IFI35: variants seen among roughly 807,000 people sequenced by gnomAD.
IFI35 encodes interferon-induced 35 kDa protein.
In IFI35, 30 loss-of-function variants were observed where a neutral mutation model predicts 28.6. The observed-to-expected ratio is 1.05, with a 90% CI of 0.79 to 1.43. IFI35 has a LOEUF of 1.43. Ranked by LOEUF, IFI35 falls within the 40% of genes most tolerant of loss-of-function variation. The probability of loss-of-function intolerance (pLI) is 0.00; values close to 1 mark genes in which losing one functional copy is unlikely to be tolerated. For synonymous variants in IFI35, 146 were observed against 154.8 expected (o/e 0.94, Z 0.42); for missense variants, 372 against 356.9 (o/e 1.04, Z -0.34).
At position 43,006,988 on chromosome 17, in the gene IFI35, T is replaced by A. The variant is rs749685286; in HGVS notation, c.21+20T>A. The A allele has an allele frequency of 1.2e-6, 2 of 1,611,544 alleles. No homozygotes were observed. Among genetic ancestry groups the A allele is most frequent in the Non-Finnish European group, 1.7e-6 (2 of 1,178,964 alleles). On this transcript the variant is annotated intron_variant, in intron 1 of 6. Transcript: ENST00000415816. ...GATGCCGTAAGTGAGGAGGAGGGAG[T>A]TGGGAAGTGGGGAAACAGGAGTAAT...
In IFI35 at chr17:43,013,817, C is replaced by CTGGG; in HGVS notation, c.609_612dup (p.Gln205TrpfsTer20). The CTGGG allele has an allele frequency of 6.2e-7, 1 of 1,612,608 alleles. No homozygotes were observed. The highest frequency in any genetic ancestry group is 1.1e-5 in the South Asian group (1 of 90,982). On this transcript the variant is annotated frameshift_variant, in exon 6 of 7. Coordinates refer to ENST00000415816, the MANE Select transcript of IFI35 (RefSeq NM_001330230.2). LOFTEE classifies it high-confidence loss of function. ...CCAAATCGGCCAGTTCACAGTGCCA[C>CTGGG]TGGGTGGGCAGCAAGTCCCTCTGAG...
chr17:43,012,257 G>C lies in IFI35; in HGVS notation c.100G>C (p.Gly34Arg), dbSNP rs777691679. 24 of 1,573,574 alleles carry C rather than the reference G, an allele frequency of 1.5e-5. No individual in the cohort carries two copies. The highest frequency in any genetic ancestry group is 1.9e-5 in the Non-Finnish European group (22 of 1,159,070). ...WDLQQLRKELGDSPKDKVPFS... is the reference protein window; with the variant it reads ...WDLQQLRKELRDSPKDKVPFS... ...CCTGCAGCAGCTGAGAAAGGAGCTCGGGGACTCCCCCAAAGACAAGGTAAG... is the reference window on the plus strand; with the variant it reads ...CCTGCAGCAGCTGAGAAAGGAGCTCCGGGACTCCCCCAAAGACAAGGTAAG... The change falls in exon 2 of 7, where the codon GGG becomes CGG. Residue 34 changes from glycine to arginine, a missense_variant. Coordinates refer to ENST00000415816, the MANE Select transcript of IFI35 (RefSeq NM_001330230.2).
At chr17:43,012,156 G>A (rs1225396577) in intron 1 of IFI35, 23 bp from the exon 2 acceptor site, 5 of 1,521,638 alleles carry the variant, frequency 3.3e-6, no homozygotes, top group Non-Finnish European at 4.4e-6. Context: ...TAGAAGTCTT[G>A]TTGTTTCCTT....
intron 1 of IFI35, among the ~76,000 whole-genome samples, chr17:43,008,138 G>T (rs546105113): frequency 6.8e-6 from 1 of 146,674 alleles, no homozygotes; most frequent in Non-Finnish European, 1.5e-5. Context: ...GGGTTCAAGC[G>T]ATTCTCCTGC....
chr17:43,009,102 G>GATCCTTCC (rs1377109359), intron 1 of IFI35, among the ~76,000 whole-genome samples: 2 of 151,502 alleles, frequency 1.3e-5, no homozygotes, highest in Admixed American at 6.6e-5. Flanking sequence ...GGGATCAATA[G>GATCCTTCC]ATCCTTCCAT....
intron 1 of IFI35, among the ~76,000 whole-genome samples, chr17:43,008,027 A>G (rs2050424635): frequency 6.7e-6 from 1 of 149,194 alleles, no homozygotes; most frequent in Non-Finnish European, 1.5e-5. Context: ...TTCCCCAAGG[A>G]CAATCCCTTT....
At chr17:43,013,908 G>C (rs1242653024) in intron 6 of IFI35, 26 bp downstream of exon 6, 1 of 1,505,360 alleles carries the variant, frequency 6.6e-7, no homozygotes. Flanking sequence ...GAAGAACAGG[G>C]GCTGGGCTGG....
In IFI35 at chr17:43,006,947, C is replaced by G; in HGVS notation, c.-1C>G. 1 of 1,614,078 alleles carries G rather than the reference C, an allele frequency of 6.2e-7. No individual in the cohort carries two copies. The highest frequency in any genetic ancestry group is 8.5e-7 in the Non-Finnish European group (1 of 1,179,966). On this transcript the variant is annotated 5_prime_UTR_variant, in exon 1 of 7. Coordinates refer to ENST00000415816, the MANE Select transcript of IFI35 (RefSeq NM_001330230.2). ...GCTCTTGCCAAACAGACCCGAGACC[C>G]ATGTCAGCCCCACTGGATGCCGTAA...
At chr17:43,011,122 G>A (rs2050454315) in intron 1 of IFI35, among the ~76,000 whole-genome samples, 1 of 152,120 alleles carries the variant, frequency 6.6e-6, no homozygotes, top group Non-Finnish European at 1.5e-5. Flanking sequence ...TTTCTTCACT[G>A]TAAAGCACAG....
chr17:43,007,304 T>C (rs2050416042), intron 1 of IFI35, among the ~76,000 whole-genome samples: 1 of 152,048 alleles, frequency 6.6e-6, no homozygotes, highest in South Asian at 2.1e-4. Flanking sequence ...CCTAGCACTT[T>C]GGGAGGCCTT....
chr17:43,012,240 A>G lies in IFI35; in HGVS notation c.83A>G (p.Gln28Arg). Reference sequence around the variant, plus strand: ...AAGATGAGGCTGTGGGACCTGCAGCAGCTGAGAAAGGAGCTCGGGGACTCC... The same window carrying G: ...AAGATGAGGCTGTGGGACCTGCAGCGGCTGAGAAAGGAGCTCGGGGACTCC... ...RLKMRLWDLQ[Q>R]LRKELGDSPK... Residue 28 changes from glutamine (Q) to arginine (R), a missense_variant, in exon 2 of 7, where the codon CAG (glutamine) becomes CGG (arginine). Physicochemically the swap from Gln to Arg is conservative, Grantham distance 43 (BLOSUM62 1). Coordinates refer to ENST00000415816, the MANE Select transcript of IFI35 (RefSeq NM_001330230.2). The G allele has an allele frequency of 6.3e-7, 1 of 1,578,740 alleles. No homozygotes were observed. The highest frequency in any genetic ancestry group is 8.6e-7 in the Non-Finnish European group (1 of 1,161,926).
intron 2 of IFI35, 33 bp from the exon 3 acceptor site, chr17:43,013,014 A>T: frequency 6.2e-7 from 1 of 1,601,304 alleles, no homozygotes; most frequent in Non-Finnish European, 8.5e-7. Context: ...GGTGGGAGTG[A>T]GGAACACTCC....
rs185685895 is a variant in IFI35 at position 43,011,463 on chromosome 17, G to A, written c.22-716G>A. 2.6e-5 allele frequency among the ~76,000 whole-genome samples: 4 copies of A among 152,102 alleles called. No individual in the cohort carries two copies. The East Asian group carries it at 7.8e-4, about 30-fold the overall frequency. On this transcript the variant is annotated intron_variant, in intron 1 of 6. Coordinates refer to ENST00000415816, the MANE Select transcript of IFI35 (RefSeq NM_001330230.2). ...GATCCTGGGAGGTGGAGGCTGCAGT[G>A]AGCCAAGATCGCGCCACTGCACCCC...
At chr17:43,014,018 C>A (rs900853402) in intron 6 of IFI35, 90 bp from the exon 7 acceptor site, 15 of 1,391,754 alleles carry the variant, frequency 1.1e-5, no homozygotes, top group African/African-American at 1.4e-5. Flanking sequence ...GGCCTCCCGA[C>A]CTCATACCCC....
chr17:43,007,524 T>A lies in IFI35; in HGVS notation c.21+556T>A, dbSNP rs1043382520. ...TGTCTAAAAAAAAAAAAAAAAAAAT[T>A]AAACTAAAGGAATTAGGCTGGGTGT... On this transcript the variant is annotated intron_variant, in intron 1 of 6. Transcript: ENST00000415816. 1.1e-3 allele frequency among the ~76,000 whole-genome samples: 151 copies of A among 143,248 alleles called. 1 individual carries two copies. Among genetic ancestry groups the A allele is most frequent in the Non-Finnish European group, 1.8e-3 (119 of 65,774 alleles). 94.0% of individuals were successfully genotyped at this position (143,248 alleles called of 152,430 possible). A position where few individuals can be genotyped will look rare whatever the true frequency, so the allele number is the denominator to read the frequency against.
intron 2 of IFI35, chr17:43,012,831 C>A: frequency 3.5e-6 from 2 of 572,076 alleles, no homozygotes; most frequent in Non-Finnish European, 6.2e-6. Context: ...ACTTGAACAT[C>A]TGTAAAGTAG....
At chr17:43,008,332 A>G (rs1177534159) in intron 1 of IFI35, among the ~76,000 whole-genome samples, 1 of 131,462 alleles carries the variant, frequency 7.6e-6, no homozygotes, top group Non-Finnish European at 1.6e-5. Flanking sequence ...CCATGCCCGG[A>G]CTTTTCTTTC....
chr17:43,013,641 C>A lies in IFI35; in HGVS notation c.541C>A (p.Leu181Met). The change falls in exon 5 of 7, where the codon CTG becomes ATG. Residue 181 changes from leucine (L) to methionine (M), a missense_variant. Physicochemically the swap from Leu to Met is conservative, Grantham distance 15. Coordinates refer to ENST00000415816, the MANE Select transcript of IFI35 (RefSeq NM_001330230.2). ...GGAGCTACTGCCAGGGAGTGTCATG[C>A]TGGGGTTTGCTAGGGATGGAGGTGA... ...VRELLPGSVM[L>M]GFARDGVAQR... is the part of the protein sequence containing the mutation. 6.2e-7 allele frequency: 1 copy of A among 1,614,018 alleles called. No homozygotes were observed. Among genetic ancestry groups the A allele is most frequent in the South Asian group, 1.1e-5 (1 of 91,086 alleles).
chr17:43,013,123 T>C lies in IFI35; in HGVS notation c.197T>C (p.Leu66Ser), dbSNP rs368042561. 61 of 1,613,962 alleles carry C rather than the reference T, an allele frequency of 3.8e-5. No individual in the cohort carries two copies. In the African/African-American group the frequency reaches 7.1e-4, roughly 19 times the overall value. ...TQQDPEVPKS[L>S]VSNLRIHCPL... ...CAGGACCCGGAAGTGCCTAAGTCTT[T>C]AGTTTCCAATTTGCGGATCCACTGC... Residue 66 changes from leucine to serine, a missense_variant, in exon 3 of 7, where the codon TTA becomes TCA. By Grantham distance (145) the Leu-to-Ser change is moderately radical. Coordinates refer to ENST00000415816, the MANE Select transcript of IFI35 (RefSeq NM_001330230.2).
Sources: gnomAD v4.1 joint callset for allele counts (sites outside exome capture counted in the v4.1 genomes callset) on GRCh38, gnomAD v4.1.1 for gene constraint, MANE v1.5 for transcripts, NCBI Gene and HGNC (gene_info 2026-07-23, HGNC 2026-07-21) for gene names.